The following NBPF9 variants were observed in gnomAD, a reference collection of about 807,000 sequenced individuals.
NBPF9 encodes the protein NBPF family member NBPF9.
NBPF9 carries 91 observed loss-of-function variants against 97.8 expected under a neutral mutation model. The observed-to-expected ratio is 0.93, with a 90% CI of 0.79 to 1.11. The LOEUF (loss-of-function observed/expected upper bound fraction) is 1.11. NBPF9 is among the 50% of genes least tolerant of loss of function. The pLI is 0.00. For synonymous variants in NBPF9, 334 were observed against 359.5 expected, an observed-to-expected ratio of 0.93 and a Z score of 0.80; for missense variants, 992 against 939.5, an observed-to-expected ratio of 1.06 and a Z score of -0.73.
At chr1:149,053,926 AC>A (rs2078049968), downstream of NBPF9, 1 of 146,428 alleles carries the variant, frequency 6.8e-6, no homozygotes, top group African/African-American at 2.6e-5. Context: ...ACACACACAC[AC>A]TCACACTCAC....
Position 149,055,793 on chromosome 1 carries a change from G to A in NBPF9, c.3199C>T (p.Gln1067Ter). 2 of 1,611,270 alleles carry A rather than the reference G, an allele frequency of 1.2e-6. No individual in the cohort carries two copies. The highest frequency in any genetic ancestry group is 1.7e-6 in the Non-Finnish European group (2 of 1,179,792). ...GAGTAAAACACACTTCTGTAGTGCT[G>A]GAATGAGTCAGGTAGTTCAAAGTAC... is the stretch of plus-strand genomic sequence containing the variant. The change falls in exon 30 of 30, where the codon CAG becomes TAG. Residue 1067 changes from glutamine (Q) to a stop codon, truncating the protein, a stop_gained. Transcript: ENST00000584027. LOFTEE classifies it low-confidence loss of function (END_TRUNC).
intron 7 of NBPF9, among the ~76,000 whole-genome samples, chr1:149,081,564 C>T (rs1224690089): frequency 6.6e-6 from 1 of 152,072 alleles, no homozygotes; most frequent in Non-Finnish European, 1.5e-5. Context: ...CCTCTTGGGC[C>T]TCAACGGAAA....
intron 19 of NBPF9, among the ~76,000 whole-genome samples, chr1:149,064,116 A>C (rs1330441630): frequency 1.4e-5 from 2 of 139,088 alleles, no homozygotes; most frequent in African/African-American, 5.7e-5. Flanking sequence ...CTCTCAGGAC[A>C]CACAGTGAAC....
chr1:149,070,981 C>T (rs782742555), exon 16 of NBPF9: 9 of 1,612,346 alleles, frequency 5.6e-6, no homozygotes, highest in Admixed American at 1.7e-5. Context: ...AGAGGATGAG[C>T]CAATGAGAGT....
intron 5 of NBPF9, among the ~76,000 whole-genome samples, chr1:149,088,188 ATTC>A (rs1336636147): frequency 2.4e-4 from 37 of 152,368 alleles, no homozygotes; most frequent in Admixed American, 1.9e-3. Context: ...ATGAAATTGT[ATTC>A]TTATTTCATT....
At chr1:149,088,069 G>C (rs2081158307) in intron 5 of NBPF9, among the ~76,000 whole-genome samples, 1 of 152,004 alleles carries the variant, frequency 6.6e-6, no homozygotes, top group African/African-American at 2.4e-5. Flanking sequence ...CTGACCTCAT[G>C]ATCTGCCCAC....
intron 5 of NBPF9, among the ~76,000 whole-genome samples, chr1:149,089,105 C>A (rs2081239325): frequency 2.6e-5 from 4 of 152,068 alleles, no homozygotes; most frequent in Non-Finnish European, 4.4e-5. Context: ...GTCCTCTACT[C>A]TTCCAGAACC....
Position 149,061,530 on chromosome 1 carries a change from G to C in NBPF9, c.2252-147C>G. ...CAGATATACTTCAGGAAGCCTGAAAGCTGGTCATGATATTCTTTGGTTTGC... is the reference window on the plus strand; with the variant it reads ...CAGATATACTTCAGGAAGCCTGAAACCTGGTCATGATATTCTTTGGTTTGC... On this transcript the variant is annotated intron_variant, in intron 22 of 29. Transcript: ENST00000584027. 6.7e-6 allele frequency: 3 copies of C among 445,550 alleles called. 1 individual carries two copies. The East Asian group carries it at 1.3e-4, about 19-fold the overall frequency. 27.6% of individuals were successfully genotyped at this position (445,550 alleles called of 1,614,324 possible). A position where few individuals can be genotyped will look rare whatever the true frequency, so the allele number is the denominator to read the frequency against.
rs1361958749 is a variant in NBPF9, at chr1:149,064,868, A to T, written c.1802-386T>A. On this transcript the variant is annotated intron_variant, in intron 18 of 29. Coordinates refer to ENST00000584027, the Ensembl canonical transcript of NBPF9. ...TGATAGTTTATGAGATTGTGGACAC[A>T]GAGATTTGATGAGGGGGTGCAATGA... 1.1e-5 allele frequency: 6 copies of T among 530,312 alleles called. No homozygotes were observed. The East Asian group carries it at 2.3e-4, about 20-fold the overall frequency. The allele number at this position is 530,312 out of a possible 1,614,324, so 32.9% of individuals were successfully genotyped here.
At position 149,079,232 on chromosome 1, in the gene NBPF9, A is replaced by C; in HGVS notation, c.279-11T>G. 1.3e-6 allele frequency: 1 copy of C among 792,252 alleles called. No individual in the cohort carries two copies. Among genetic ancestry groups the C allele is most frequent in the Non-Finnish European group, 2.3e-6 (1 of 437,666 alleles). 49.1% of individuals were successfully genotyped at this position (792,252 alleles called of 1,614,324 possible). A position where few individuals can be genotyped will look rare whatever the true frequency, so the allele number is the denominator to read the frequency against. On this transcript the variant is annotated splice_polypyrimidine_tract_variant and intron_variant, in intron 8 of 29. Coordinates refer to ENST00000584027, the Ensembl canonical transcript of NBPF9. ...AGGACTTTATATTGCCTAAGGTGAGACGGTAGAGAAAATTTAAGAGTAGAA... is the reference window on the plus strand; with the variant it reads ...AGGACTTTATATTGCCTAAGGTGAGCCGGTAGAGAAAATTTAAGAGTAGAA...
At chr1:149,087,235 AAT>A (rs146764486) in intron 5 of NBPF9, among the ~76,000 whole-genome samples, 2,262 of 149,020 alleles carry the variant, frequency 0.015, 43 homozygotes, top group East Asian at 0.066. Context: ...ATCAGACTGC[AAT>A]ATATATATAT....
chr1:149,085,132 A>T (rs1173731767), intron 5 of NBPF9, among the ~76,000 whole-genome samples: 2 of 151,986 alleles, frequency 1.3e-5, no homozygotes, highest in Non-Finnish European at 1.5e-5. Context: ...ATTGCTGCCA[A>T]AACCACATGG....
intron 12 of NBPF9, among the ~76,000 whole-genome samples, chr1:149,074,828 AT>A (rs1308719173): frequency 6.9e-6 from 1 of 145,520 alleles, no homozygotes; most frequent in Non-Finnish European, 1.5e-5. Flanking sequence ...TATTATTATT[AT>A]TTTTACCAGT....
intron 5 of NBPF9, among the ~76,000 whole-genome samples, chr1:149,087,677 C>G (rs1281649218): frequency 1.3e-5 from 2 of 150,796 alleles, no homozygotes; most frequent in African/African-American, 4.9e-5. Flanking sequence ...ATCTGGAGAT[C>G]AATTTACGAA....
intron 11 of NBPF9, among the ~76,000 whole-genome samples, chr1:149,076,174 A>G (rs9725798): frequency 6.6e-6 from 1 of 151,714 alleles, no homozygotes; most frequent in South Asian, 2.1e-4. Flanking sequence ...AAAAGATTTC[A>G]TTTTGCTTTT....
intron 7 of NBPF9, among the ~76,000 whole-genome samples, chr1:149,081,502 G>T (rs1352918920): frequency 6.6e-6 from 1 of 151,484 alleles, no homozygotes; most frequent in African/African-American, 2.4e-5. Flanking sequence ...CTCAGAGCAG[G>T]TACTGGCTAC....
intron 14 of NBPF9, 49 bp from the exon 15 acceptor site, chr1:149,071,725 C>G: frequency 9.9e-7 from 1 of 1,005,742 alleles, no homozygotes; most frequent in Non-Finnish European, 1.5e-6. Context: ...TCACAGTCTG[C>G]AAGCACAGTC....
chr1:149,089,779 C>A (rs1468239782), intron 5 of NBPF9, among the ~76,000 whole-genome samples: 2 of 152,306 alleles, frequency 1.3e-5, no homozygotes, highest in African/African-American at 4.8e-5. Flanking sequence ...TTATTTCATG[C>A]CTTTCTAATT....
chr1:149,060,773 G>C (rs2078538687), intron 23 of NBPF9, 78 bp from the exon 24 acceptor site: 2 of 364,030 alleles, frequency 5.5e-6, no homozygotes, highest in Non-Finnish European at 9.5e-6. Flanking sequence ...TTCATGGGTA[G>C]CATAGGGAAG....
Sources: allele counts gnomAD v4.1 joint callset (sites outside exome capture counted in the v4.1 genomes callset), GRCh38; gene constraint gnomAD v4.1.1; transcripts MANE v1.5; gene names NCBI Gene and HGNC (gene_info 2026-07-23, HGNC 2026-07-21).